Variants in TENM2 observed in about 807,000 individuals in gnomAD.
The protein encoded by TENM2 is teneurin transmembrane protein 2.
Under a neutral mutation model 245.2 loss-of-function variants are expected in TENM2, and 52 were observed. The ratio of observed to expected loss-of-function variants is 0.21; its 90% confidence interval spans 0.17 to 0.27. TENM2 has a LOEUF of 0.27. Among genes scored for constraint, TENM2 ranks in the 10% least tolerant of loss-of-function variants. TENM2 has a pLI of 1.00. For synonymous variants in TENM2, 1,363 were observed against 1,438.9 expected (o/e 0.95, Z 1.19); for missense variants, 3,046 against 3,666.8 (o/e 0.83, Z 4.37).
chr5:168,211,768 C>T lies in TENM2; in HGVS notation c.3845+14C>T. ...GTTTAAACATAGGTAAGATGAAGAACTCTTTCCCATATAATTTGATATGGT... is the reference window on the plus strand; with the variant it reads ...GTTTAAACATAGGTAAGATGAAGAATTCTTTCCCATATAATTTGATATGGT... On this transcript the variant is annotated intron_variant, in intron 20 of 28. Coordinates refer to ENST00000518659, the Ensembl canonical transcript of TENM2. 1.5e-6 allele frequency: 2 copies of T among 1,339,070 alleles called. No homozygotes were observed. Among genetic ancestry groups the T allele is most frequent in the Non-Finnish European group, 1.0e-6 (1 of 974,252 alleles). 82.9% of individuals were successfully genotyped at this position (1,339,070 alleles called of 1,614,324 possible).
At chr5:167,001,739 T>C in the TENM2 span, among the ~76,000 whole-genome samples, 102 of 152,234 alleles carry the variant, frequency 6.7e-4, no homozygotes, top group African/African-American at 2.3e-3. Context: ...AAAGAAATAC[T>C]ATTGTATCAG....
At chr5:167,269,221 A>G in the TENM2 span, among the ~76,000 whole-genome samples, 8 of 152,164 alleles carry the variant, frequency 5.3e-5, no homozygotes, top group Non-Finnish European at 8.8e-5. Context: ...GCTAAGAAAG[A>G]CAACAATGGC....
At chr5:168,196,047 T>C (rs535656928) in intron 15 of TENM2, among the ~76,000 whole-genome samples, 28 of 152,278 alleles carry the variant, frequency 1.8e-4, no homozygotes, top group African/African-American at 6.7e-4. Flanking sequence ...CACACAATTA[T>C]GGCATTCTGT....
intron 2 of TENM2, among the ~76,000 whole-genome samples, chr5:167,679,146 T>G (rs1000909727): frequency 1.3e-5 from 2 of 152,160 alleles, no homozygotes; most frequent in Non-Finnish European, 2.9e-5. Context: ...CATAATTTCA[T>G]ATCAGCTGCC....
chr5:168,020,943 C>G (rs1786088565), intron 5 of TENM2, among the ~76,000 whole-genome samples: 1 of 152,110 alleles, frequency 6.6e-6, no homozygotes, highest in Non-Finnish European at 1.5e-5. Flanking sequence ...AATAGATGTG[C>G]CAAGGAACGA....
chr5:168,013,496 C>T (rs953079196), intron 5 of TENM2, among the ~76,000 whole-genome samples: 1 of 151,894 alleles, frequency 6.6e-6, no homozygotes, highest in Non-Finnish European at 1.5e-5. Context: ...CCCAGCTACC[C>T]AGGAGGCTGA....
intron 2 of TENM2, among the ~76,000 whole-genome samples, chr5:167,722,832 A>G (rs1759727257): frequency 6.6e-6 from 1 of 152,204 alleles, no homozygotes; most frequent in Non-Finnish European, 1.5e-5. Context: ...CTAAGTTCTC[A>G]AATATGTTTC....
At chr5:167,101,849 T>TTATATATATATATATATATATA in the TENM2 span, among the ~76,000 whole-genome samples, 2,242 of 68,598 alleles carry the variant, frequency 0.033, 132 homozygotes, top group Non-Finnish European at 0.041. Context: ...ATATATATAT[T>TTATATATATATATATATATATA]TATATATATA....
chr5:167,042,319 T>C, the TENM2 span, among the ~76,000 whole-genome samples: 5 of 152,194 alleles, frequency 3.3e-5, no homozygotes, highest in Non-Finnish European at 7.3e-5. Context: ...TTTTTCCTCA[T>C]TTGCAACCAA....
chr5:167,508,726 C>T (rs548892582), intron 2 of TENM2, among the ~76,000 whole-genome samples: 1 of 152,260 alleles, frequency 6.6e-6, no homozygotes, highest in South Asian at 2.1e-4. Context: ...AAAATTTTGT[C>T]TGTTTTACAG....
intron 2 of TENM2, among the ~76,000 whole-genome samples, chr5:167,544,016 G>A (rs914000094): frequency 6.6e-6 from 1 of 152,072 alleles, no homozygotes; most frequent in African/African-American, 2.4e-5. Context: ...GTGGTACTGG[G>A]GTCCAGGACT....
At chr5:167,136,072 T>G in the TENM2 span, among the ~76,000 whole-genome samples, 1 of 152,226 alleles carries the variant, frequency 6.6e-6, no homozygotes, top group Non-Finnish European at 1.5e-5. Flanking sequence ...TGAGAGAGGA[T>G]GATCATTTTT....
rs10056856 is a variant in TENM2 at position 167,336,865 on chromosome 5, C to T, written c.227-38333C>T. Among the ~76,000 whole-genome samples the T allele has an allele frequency of 8.4e-3, 1,275 of 151,270 alleles. 19 individuals carry two copies. The highest frequency in any genetic ancestry group is 0.03 in the African/African-American group (1,224 of 41,298). The stretch of plus-strand genomic sequence containing the variant: ...GGGTGCGGTGGCTCACGCCTGTAAT[C>T]CCAGCACTTTGGGAGGCCGAGGCGG... On this transcript the variant is annotated intron_variant, in intron 1 of 28. Coordinates refer to ENST00000518659, the Ensembl canonical transcript of TENM2.
intron 2 of TENM2, among the ~76,000 whole-genome samples, chr5:167,434,562 T>C (rs896531235): frequency 7.2e-5 from 11 of 151,904 alleles, no homozygotes; most frequent in Non-Finnish European, 1.6e-4. Context: ...TCAGATGTAA[T>C]CTCAAAAAAT....
chr5:167,686,985 C>G (rs1453163096), intron 2 of TENM2, among the ~76,000 whole-genome samples: 3 of 152,158 alleles, frequency 2.0e-5, no homozygotes, highest in Non-Finnish European at 2.9e-5. Context: ...GAGTCCCCAC[C>G]TGTTGAAAGG....
chr5:167,367,788 T>C (rs1760150011), intron 1 of TENM2, among the ~76,000 whole-genome samples: 1 of 152,142 alleles, frequency 6.6e-6, no homozygotes, highest in African/African-American at 2.4e-5. Flanking sequence ...TTCATTTTGA[T>C]TTGTCAAACA....
chr5:167,302,564 G>A (rs10059612), intron 1 of TENM2, among the ~76,000 whole-genome samples: 227 of 151,710 alleles, frequency 1.5e-3, no homozygotes, highest in African/African-American at 4.9e-3. Context: ...AGGTCGGGGC[G>A]TGGAAATAAG....
chr5:167,695,653 C>T (rs886186248), intron 2 of TENM2, among the ~76,000 whole-genome samples: 4 of 150,796 alleles, frequency 2.7e-5, no homozygotes, highest in Non-Finnish European at 5.9e-5. Flanking sequence ...GAACTTTTTA[C>T]ATTTTATTTT....
intron 5 of TENM2, among the ~76,000 whole-genome samples, chr5:168,011,451 G>A (rs1001892073): frequency 2.0e-5 from 3 of 152,222 alleles, no homozygotes; most frequent in African/African-American, 7.2e-5. Flanking sequence ...GCACAGGACA[G>A]CCCCTGGTTA....
Sources: gnomAD v4.1 joint callset for allele counts (sites outside exome capture counted in the v4.1 genomes callset) on GRCh38, gnomAD v4.1.1 for gene constraint, MANE v1.5 for transcripts, NCBI Gene and HGNC (gene_info 2026-07-23, HGNC 2026-07-21) for gene names.